Variants in GRIK3 observed in about 807,000 individuals in gnomAD.
The protein encoded by GRIK3 is glutamate ionotropic receptor kainate type subunit 3, also known as glutamate receptor ionotropic, kainate 3.
GRIK3 carries 29 observed loss-of-function variants against 102.5 expected under a neutral mutation model. The ratio of observed to expected loss-of-function variants is 0.28; its 90% CI spans 0.21 to 0.39. The LOEUF (loss-of-function observed/expected upper bound fraction) is 0.39. Ranked by LOEUF, GRIK3 falls within the 10% of genes least tolerant of loss-of-function variation. The pLI, the probability that GRIK3 is intolerant of heterozygous loss-of-function variation, is 1.00. For synonymous variants in GRIK3, 511 were observed against 504.9 expected (o/e 1.01, Z -0.16); for missense variants, 908 against 1,252.4 (o/e 0.73, Z 4.15).
At chr1:36,951,857 G>A (rs1378762445) in intron 1 of GRIK3, among the ~76,000 whole-genome samples, 1 of 152,102 alleles carries the variant, frequency 6.6e-6, no homozygotes, top group African/African-American at 2.4e-5. Flanking sequence ...GTTGGAGGGC[G>A]GAGGGGCGGG....
In GRIK3 at chr1:36,872,167, C is replaced by T. The variant is rs368082581; in HGVS notation, c.732+21G>A. On this transcript the variant is annotated intron_variant, in intron 4 of 15. Coordinates refer to ENST00000373091, the MANE Select transcript of GRIK3 (RefSeq NM_000831.4). The surrounding 1 kb of genome is among the most constrained non-coding windows in gnomAD (Gnocchi z 5.9). ...GCCAGCAGACCCCAGTCATCTGTCC[C>T]GGTGGCCAGCACTCACGCACCTGCT... The T allele has an allele frequency of 9.1e-5, 142 of 1,552,944 alleles. No individual in the cohort carries two copies. The highest frequency in any genetic ancestry group is 5.5e-4 in the Admixed American group (30 of 54,474).
At chr1:37,003,863 G>A (rs1008283380) in intron 1 of GRIK3, among the ~76,000 whole-genome samples, 2 of 151,912 alleles carry the variant, frequency 1.3e-5, no homozygotes, top group Non-Finnish European at 2.9e-5. Flanking sequence ...TGCCCCCCTC[G>A]TCACCCCACA....
At chr1:36,841,420 C>A (rs927515355) in intron 10 of GRIK3, among the ~76,000 whole-genome samples, 2 of 152,204 alleles carry the variant, frequency 1.3e-5, no homozygotes. Flanking sequence ...CAGAAGATAC[C>A]AAGAAGCCAC....
At chr1:36,905,424 G>T (rs1360889416) in intron 1 of GRIK3, among the ~76,000 whole-genome samples, 4 of 150,106 alleles carry the variant, frequency 2.7e-5, no homozygotes, top group Non-Finnish European at 5.9e-5. Context: ...AAAGATAATG[G>T]ATTGCTCTTG....
chr1:36,805,622 C>G (rs115218122), intron 14 of GRIK3, among the ~76,000 whole-genome samples: 168 of 152,302 alleles, frequency 1.1e-3, no homozygotes, highest in Non-Finnish European at 2.0e-3. Context: ...CAGCTCCATC[C>G]CTCTGCTTCT....
rs940080395 is a variant in GRIK3, at chr1:36,872,663, G to A, written c.551-294C>T. Among the ~76,000 whole-genome samples the A allele has an allele frequency of 2.6e-5, 4 of 152,218 alleles. No homozygotes were observed. Among genetic ancestry groups the A allele is most frequent in the Admixed American group, 6.5e-5 (1 of 15,290 alleles). ...GATTAAGGCCTGTGCACACAGTGGT[G>A]CAGTACACACATATGTAGATTCAAA... On this transcript the variant is annotated intron_variant, in intron 3 of 15. Transcript: ENST00000373091. The surrounding 1 kb of genome is among the most constrained non-coding windows in gnomAD (Gnocchi z 5.9).
At chr1:36,888,602 A>G (rs914852119) in intron 2 of GRIK3, among the ~76,000 whole-genome samples, 1 of 152,144 alleles carries the variant, frequency 6.6e-6, no homozygotes, top group South Asian at 2.1e-4. Flanking sequence ...TATAAGCTCC[A>G]TGGTCACAGG....
chr1:36,989,211 C>G (rs989938272), intron 1 of GRIK3, among the ~76,000 whole-genome samples: 1 of 152,230 alleles, frequency 6.6e-6, no homozygotes, highest in Non-Finnish European at 1.5e-5. Flanking sequence ...CACACGCATG[C>G]ACATAACTGA....
Position 36,880,629 on chromosome 1 carries a change from C to A in GRIK3, c.550+5G>T. Reference sequence around the variant, plus strand: ...CCCCCAGCCTAGCCAGGCCTGGCCACCCACCTGTACTGTCGTCATAGACCA... The same window carrying A: ...CCCCCAGCCTAGCCAGGCCTGGCCAACCACCTGTACTGTCGTCATAGACCA... On this transcript the variant is annotated splice_donor_5th_base_variant and intron_variant, in intron 3 of 15. Transcript: ENST00000373091. This position sits in a 1 kb window ranked among gnomAD's most constrained non-coding sequence, Gnocchi z 5.4. The A allele has an allele frequency of 6.2e-7, 1 of 1,613,628 alleles. No homozygotes were observed. The highest frequency in any genetic ancestry group is 8.5e-7 in the Non-Finnish European group (1 of 1,179,600).
chr1:36,976,300 A>G (rs945482679), intron 1 of GRIK3, among the ~76,000 whole-genome samples: 1 of 152,184 alleles, frequency 6.6e-6, no homozygotes, highest in Non-Finnish European at 1.5e-5. Context: ...ATTCCCCCCA[A>G]GACAGGAGGT....
At chr1:36,869,104 A>G (rs1175338837) in intron 5 of GRIK3, among the ~76,000 whole-genome samples, 3 of 152,196 alleles carry the variant, frequency 2.0e-5, no homozygotes, top group Non-Finnish European at 4.4e-5. Flanking sequence ...CCCTTTTGGC[A>G]CAGGAATCTC....
chr1:36,821,757 C>A (rs976713870), intron 11 of GRIK3, among the ~76,000 whole-genome samples: 6 of 152,152 alleles, frequency 3.9e-5, no homozygotes, highest in African/African-American at 1.4e-4. Flanking sequence ...GGGGAGTGGG[C>A]CATGAAGAGA....
In GRIK3 at chr1:36,820,224, C is replaced by T. The variant is rs1396257187; in HGVS notation, c.1755-370G>A. 6.6e-5 allele frequency among the ~76,000 whole-genome samples: 10 copies of T among 152,074 alleles called. 1 individual carries two copies. The highest frequency in any genetic ancestry group is 1.5e-5 in the Non-Finnish European group (1 of 68,024). ...ACCTGGAAACCACCAAAATATCCTT[C>T]AATAAAGGAATGATTAAATAAATGA... On this transcript the variant is annotated intron_variant, in intron 11 of 15. Coordinates refer to ENST00000373091, the MANE Select transcript of GRIK3 (RefSeq NM_000831.4).
intron 1 of GRIK3, among the ~76,000 whole-genome samples, chr1:36,957,004 C>G (rs368854148): frequency 6.6e-6 from 1 of 152,250 alleles, no homozygotes. Flanking sequence ...CAAGGGAGAC[C>G]AGGAGCAAGA....
intron 1 of GRIK3, among the ~76,000 whole-genome samples, chr1:36,900,301 T>G (rs1483398782): frequency 1.3e-5 from 2 of 152,072 alleles, no homozygotes; most frequent in Non-Finnish European, 1.5e-5. Context: ...CTCCCCCTCC[T>G]GCTCCTCCTC....
At chr1:36,960,729 A>T (rs1417809255) in intron 1 of GRIK3, among the ~76,000 whole-genome samples, 1 of 152,154 alleles carries the variant, frequency 6.6e-6, no homozygotes. Context: ...AGGCTGCTCC[A>T]TTCACCCCCT....
At chr1:36,897,645 A>T (rs570475325) in intron 1 of GRIK3, among the ~76,000 whole-genome samples, 4 of 152,274 alleles carry the variant, frequency 2.6e-5, no homozygotes, top group African/African-American at 9.6e-5. Context: ...GCAATAATAA[A>T]TGCTACTGAG....
chr1:36,967,388 G>T (rs1180963008), intron 1 of GRIK3, among the ~76,000 whole-genome samples: 5 of 152,204 alleles, frequency 3.3e-5, no homozygotes, highest in Non-Finnish European at 7.3e-5. Flanking sequence ...GCCCAGCAGG[G>T]CCTGACTACC....
Position 36,845,974 on chromosome 1 carries a change from G to A in GRIK3, c.1327-4035C>T, listed in dbSNP as rs541587838. On this transcript the variant is annotated intron_variant, in intron 9 of 15. Transcript: ENST00000373091. Reference sequence around the variant, plus strand: ...CCCATCACTGAGTATCCAGATACCCGTGTGTAGCTGGTCCTACACCCACCC... The same window carrying A: ...CCCATCACTGAGTATCCAGATACCCATGTGTAGCTGGTCCTACACCCACCC... 1.4e-4 allele frequency among the ~76,000 whole-genome samples: 22 copies of A among 152,318 alleles called. No individual in the cohort carries two copies. The South Asian group carries it at 3.9e-3, about 27-fold the overall frequency.
Sources: gnomAD v4.1 joint callset for allele counts (sites outside exome capture counted in the v4.1 genomes callset) on GRCh38, gnomAD v4.1.1 for gene constraint, Gnocchi (gnomAD v3.1) non-coding constraint, MANE v1.5 for transcripts, NCBI Gene and HGNC (gene_info 2026-07-23, HGNC 2026-07-21) for gene names.